Variants in ZNF536 observed in about 807,000 individuals in gnomAD.
ZNF536 encodes zinc finger protein 536.
ZNF536 carries 13 observed loss-of-function variants against 84.5 expected under a neutral mutation model. That is an observed-to-expected ratio of 0.15 (90% CI 0.10 to 0.24). The LOEUF is 0.24. Ranked by LOEUF, ZNF536 falls within the 10% of genes least tolerant of loss-of-function variation. The pLI, the probability that ZNF536 is intolerant of heterozygous loss-of-function variation, is 1.00. For synonymous variants in ZNF536, 811 were observed against 742.5 expected, an observed-to-expected ratio of 1.09 and a Z score of -1.50; for missense variants, 1,536 against 1,747.5, an observed-to-expected ratio of 0.88 and a Z score of 2.16.
chr19:30,359,278 A>G (rs2048194188), intron 3 of ZNF536, among the ~76,000 whole-genome samples: 2 of 152,290 alleles, frequency 1.3e-5, no homozygotes, highest in African/African-American at 2.4e-5. Context: ...CACAGTGTGC[A>G]TGGTGTGGGG....
intron 2 of ZNF536, among the ~76,000 whole-genome samples, chr19:30,511,222 T>C (rs1490772558): frequency 6.6e-6 from 1 of 152,194 alleles, no homozygotes; most frequent in African/African-American, 2.4e-5. Flanking sequence ...TCTCAGCTCC[T>C]GCTCAAGAAC....
intron 1 of ZNF536, among the ~76,000 whole-genome samples, chr19:30,658,070 T>C (rs1399902745): frequency 6.7e-6 from 1 of 148,608 alleles, no homozygotes; most frequent in African/African-American, 2.5e-5. Flanking sequence ...TCACCCAGGC[T>C]GGAGTGCAGT....
intron 1 of ZNF536, among the ~76,000 whole-genome samples, chr19:30,613,998 G>A (rs1194747247): frequency 6.6e-6 from 1 of 152,208 alleles, no homozygotes; most frequent in Non-Finnish European, 1.5e-5. Flanking sequence ...GAGTAGCTGG[G>A]ACTACAGGTG....
At chr19:30,535,645 C>T (rs2045042168) in intron 3 of ZNF536, among the ~76,000 whole-genome samples, 1 of 152,016 alleles carries the variant, frequency 6.6e-6, no homozygotes, top group Admixed American at 6.5e-5. Context: ...CGAGGACTGG[C>T]TGGCAACAGG....
chr19:30,548,239 A>G lies in ZNF536; in HGVS notation c.2620A>G (p.Thr874Ala), dbSNP rs118046250. The change falls in exon 4 of 5, where the codon ACG becomes GCG. Residue 874 changes from threonine to alanine, a missense_variant. Physicochemically the swap from Thr to Ala is moderately conservative, Grantham distance 58. This residue lies in a region of ZNF536 where 624 missense variants were observed against 603.1 expected (regional missense o/e 1.03). Transcript: ENST00000355537. ...LSSGDHSGQA[T>A]GMSSEVPSDA... is the part of the protein sequence containing the mutation. The stretch of plus-strand genomic sequence containing the variant: ...CTCTGGAGATCACTCGGGGCAGGCC[A>G]CGGGCATGTCTTCGGAGGTCCCCTC... 3.8e-3 allele frequency: 6,172 copies of G among 1,614,222 alleles called. 127 individuals are homozygous for G. The East Asian group carries it at 0.06, about 16-fold the overall frequency.
intron 2 of ZNF536, among the ~76,000 whole-genome samples, chr19:30,470,937 C>T (rs1433434469): frequency 6.6e-6 from 1 of 151,860 alleles, no homozygotes; most frequent in African/African-American, 2.4e-5. Flanking sequence ...ATCTGCCTGC[C>T]TCAGCTTACC....
At position 30,390,170 on chromosome 19, in the gene ZNF536, G is replaced by A. The variant is rs993834780; in HGVS notation, c.-3+17614G>A. ...CTTCCTAGGGGTTAGCTGCAGGGGG[G>A]TTAAGGTTGTGTTGAGTAGAGAGAA... On this transcript the variant is annotated intron_variant, in intron 1 of 4. Coordinates refer to ENST00000355537, the MANE Select transcript of ZNF536 (RefSeq NM_014717.3). 4.6e-5 allele frequency among the ~76,000 whole-genome samples: 7 copies of A among 152,176 alleles called. No homozygotes were observed. In the East Asian group the frequency reaches 9.7e-4, roughly 21 times the overall value.
chr19:30,557,614 T>C lies in ZNF536; in HGVS notation c.*450T>C, dbSNP rs1258542250. 1 of 155,252 alleles carries C rather than the reference T, an allele frequency of 6.4e-6. No homozygotes were observed. The highest frequency in any genetic ancestry group is 1.9e-4 in the East Asian group (1 of 5,302). 9.6% of individuals were successfully genotyped at this position (155,252 alleles called of 1,614,324 possible). A position where few individuals can be genotyped will look rare whatever the true frequency, so the allele number is the denominator to read the frequency against. ...TTGTGTCTGATTGTCCTGTATTTTG[T>C]AACACTTTAGAAGAATACAGAAAAG... On this transcript the variant is annotated 3_prime_UTR_variant, in exon 5 of 5. Coordinates refer to ENST00000355537, the MANE Select transcript of ZNF536 (RefSeq NM_014717.3).
chr19:30,488,114 T>C (rs1032623432), intron 2 of ZNF536, among the ~76,000 whole-genome samples: 1 of 152,214 alleles, frequency 6.6e-6, no homozygotes, highest in Non-Finnish European at 1.5e-5. Flanking sequence ...TGTTCAATTC[T>C]TCTTCATGGG....
At chr19:30,689,365 A>T (rs1400913922) in intron 1 of ZNF536, among the ~76,000 whole-genome samples, 1 of 152,220 alleles carries the variant, frequency 6.6e-6, no homozygotes, top group Non-Finnish European at 1.5e-5. Flanking sequence ...AAATGCCAAA[A>T]ACATGTCCGT....
At chr19:30,236,564 T>A (rs892656953) in intron 1 of ZNF536, among the ~76,000 whole-genome samples, 1 of 152,116 alleles carries the variant, frequency 6.6e-6, no homozygotes, top group Non-Finnish European at 1.5e-5. Context: ...TAGTTCCATT[T>A]AAAATTTCCA....
At chr19:30,553,241 GA>G (rs1230650284) in intron 4 of ZNF536, among the ~76,000 whole-genome samples, 2 of 152,222 alleles carry the variant, frequency 1.3e-5, no homozygotes, top group Admixed American at 6.5e-5. Context: ...AAGCAAGGCA[GA>G]TAAGCCCAGT....
At chr19:30,510,555 T>C (rs2055366477) in intron 2 of ZNF536, among the ~76,000 whole-genome samples, 2 of 152,192 alleles carry the variant, frequency 1.3e-5, no homozygotes, top group African/African-American at 4.8e-5. Context: ...TGGCAATGAG[T>C]TGCCCGCAGA....
Position 30,454,262 on chromosome 19 carries a change from T to C in ZNF536, c.2170+8530T>C, listed in dbSNP as rs542000517. On this transcript the variant is annotated intron_variant, in intron 2 of 4. Transcript: ENST00000355537. ...TTTCTTTTCTTTTGTCTGACCTCAG[T>C]TCCAAAACCATTTGATGCACGATGA... is the stretch of plus-strand genomic sequence containing the variant. 5.1e-4 allele frequency among the ~76,000 whole-genome samples: 78 copies of C among 152,344 alleles called. 1 individual carries two copies. The highest frequency in any genetic ancestry group is 4.6e-3 in the Admixed American group (71 of 15,304).
chr19:30,445,625 C>T lies in ZNF536; in HGVS notation c.2063C>T (p.Thr688Met), dbSNP rs2148232064. 1 of 1,612,814 alleles carries T rather than the reference C, an allele frequency of 6.2e-7. No individual in the cohort carries two copies. Among genetic ancestry groups the T allele is most frequent in the Non-Finnish European group, 8.5e-7 (1 of 1,179,622 alleles). The change falls in exon 2 of 5, where the codon ACG becomes ATG. Residue 688 changes from threonine to methionine, a missense_variant. Around this residue, in one of 8 missense-constraint regions of ZNF536, gnomAD observed 148 missense variants for 205.4 expected, o/e 0.72. Transcript: ENST00000355537. The surrounding 1 kb of genome is among the most constrained non-coding windows in gnomAD (Gnocchi z 4.5). ...QESQSVSRST[T>M]PGSSNVTEES... ...TCCCAGTCGGTGAGCCGCTCCACCA[C>T]GCCGGGCTCCTCTAACGTCACCGAG...
chr19:30,516,266 T>C (rs971194534), intron 2 of ZNF536, among the ~76,000 whole-genome samples: 7 of 152,108 alleles, frequency 4.6e-5, no homozygotes, highest in Non-Finnish European at 8.8e-5. Flanking sequence ...CCCAGGTGCC[T>C]CCTTTGCCGT....
chr19:30,304,357 C>G (rs2046283536), intron 2 of ZNF536, among the ~76,000 whole-genome samples: 1 of 152,210 alleles, frequency 6.6e-6, no homozygotes, highest in Non-Finnish European at 1.5e-5. Flanking sequence ...TTCTTAAGGC[C>G]AGGTCCCTTA....
intron 1 of ZNF536, among the ~76,000 whole-genome samples, chr19:30,436,747 A>G (rs2051766551): frequency 6.6e-6 from 1 of 152,246 alleles, no homozygotes. Context: ...TGTCAGCATA[A>G]GAAAGCAAGG....
intron 1 of ZNF536, among the ~76,000 whole-genome samples, chr19:30,603,860 G>A (rs986295300): frequency 1.3e-5 from 2 of 152,064 alleles, no homozygotes; most frequent in Admixed American, 6.6e-5. Flanking sequence ...GAGGCCTAGG[G>A]GGGTGGATCA....
Sources: gnomAD v4.1 joint callset for allele counts (sites outside exome capture counted in the v4.1 genomes callset) on GRCh38, gnomAD v4.1.1 for gene constraint, gnomAD v4.1.1 regional missense constraint, Gnocchi (gnomAD v3.1) non-coding constraint, MANE v1.5 for transcripts, NCBI Gene and HGNC (gene_info 2026-07-23, HGNC 2026-07-21) for gene names.